The following CNTNAP2 variants were observed in gnomAD, a reference collection of about 807,000 sequenced individuals.
The protein encoded by CNTNAP2 is contactin associated protein 2, also known as contactin-associated protein-like 2.
A neutral mutation model predicts 155.2 loss-of-function variants in CNTNAP2; 98 were observed. The ratio of observed to expected loss-of-function variants is 0.63; its 90% CI spans 0.54 to 0.75. The LOEUF (loss-of-function observed/expected upper bound fraction) is 0.75. Among genes scored for constraint, CNTNAP2 ranks in the 30% least tolerant of loss-of-function variants. The probability of loss-of-function intolerance (pLI) is 0.00; values close to 1 mark genes in which losing one functional copy is unlikely to be tolerated. For missense variants in CNTNAP2, 1,727 were observed against 1,688.1 expected (o/e 1.02, Z -0.40); for synonymous variants, 651 against 631.2 (o/e 1.03, Z -0.47).
chr7:147,398,042 A>G (rs1221700707), intron 10 of CNTNAP2, among the ~76,000 whole-genome samples: 1 of 152,094 alleles, frequency 6.6e-6, no homozygotes, highest in Admixed American at 6.6e-5. Flanking sequence ...GTCACCTAAA[A>G]TGTTCCCAGT....
intron 2 of CNTNAP2, among the ~76,000 whole-genome samples, chr7:146,813,773 A>G (rs1285721805): frequency 6.6e-6 from 1 of 152,152 alleles, no homozygotes; most frequent in Non-Finnish European, 1.5e-5. Context: ...CCCAAATGTC[A>G]TCTTGAATTG....
chr7:146,620,378 A>G (rs548634455), intron 1 of CNTNAP2, among the ~76,000 whole-genome samples: 1 of 152,326 alleles, frequency 6.6e-6, no homozygotes, highest in East Asian at 1.9e-4. Context: ...GCAATGCAGT[A>G]CATTGATAAT....
chr7:146,767,682 T>C (rs1473823550), intron 1 of CNTNAP2, among the ~76,000 whole-genome samples: 1 of 152,188 alleles, frequency 6.6e-6, no homozygotes, highest in Admixed American at 6.5e-5. Flanking sequence ...GATTGAGTAG[T>C]AGTCAATGAG....
intron 1 of CNTNAP2, among the ~76,000 whole-genome samples, chr7:146,254,275 C>T (rs948657875): frequency 6.6e-6 from 1 of 152,088 alleles, no homozygotes; most frequent in Non-Finnish European, 1.5e-5. Context: ...TTTACTCATC[C>T]CCAGTTTTCC....
chr7:147,443,908 C>T (rs1037604997), intron 10 of CNTNAP2, among the ~76,000 whole-genome samples: 1 of 152,180 alleles, frequency 6.6e-6, no homozygotes, highest in Admixed American at 6.5e-5. Context: ...TCCTCCAAGA[C>T]GTAGAAATTT....
chr7:146,682,049 G>A (rs1417469561), intron 1 of CNTNAP2, among the ~76,000 whole-genome samples: 3 of 152,022 alleles, frequency 2.0e-5, no homozygotes, highest in South Asian at 4.2e-4. Context: ...CATCACTTTG[G>A]TGTTTTAAGT....
intron 1 of CNTNAP2, among the ~76,000 whole-genome samples, chr7:146,420,076 T>C (rs950253459): frequency 2.0e-5 from 3 of 152,150 alleles, no homozygotes; most frequent in Non-Finnish European, 4.4e-5. Flanking sequence ...CGGAGCTCTG[T>C]TGAATAACTT....
At chr7:147,003,596 C>T (rs1398180069) in intron 3 of CNTNAP2, among the ~76,000 whole-genome samples, 2 of 151,848 alleles carry the variant, frequency 1.3e-5, no homozygotes, top group East Asian at 3.9e-4. Flanking sequence ...AATAAATCAA[C>T]AAATAGATAC....
At chr7:147,748,978 G>A (rs1057182457) in intron 13 of CNTNAP2, among the ~76,000 whole-genome samples, 1 of 152,202 alleles carries the variant, frequency 6.6e-6, no homozygotes, top group Non-Finnish European at 1.5e-5. Flanking sequence ...GACAATGAGT[G>A]AGAATTAAGT....
At chr7:146,502,224 A>AAAATATATATAT (rs1298873127) in intron 1 of CNTNAP2, among the ~76,000 whole-genome samples, 1 of 94,808 alleles carries the variant, frequency 1.1e-5, no homozygotes, top group East Asian at 3.0e-4. Flanking sequence ...TATATATATG[A>AAAATATATATAT]ATATATATAT....
At chr7:146,197,468 T>C (rs1264790714) in intron 1 of CNTNAP2, among the ~76,000 whole-genome samples, 1 of 152,156 alleles carries the variant, frequency 6.6e-6, no homozygotes, top group Non-Finnish European at 1.5e-5. Context: ...AAATTTAAAT[T>C]CAAGAAATTA....
chr7:147,709,230 CA>C (rs1262382973), intron 13 of CNTNAP2, among the ~76,000 whole-genome samples: 1 of 152,184 alleles, frequency 6.6e-6, no homozygotes, highest in African/African-American at 2.4e-5. Flanking sequence ...ACTTCTCCAT[CA>C]GGTTATCTTT....
chr7:147,958,754 G>A (rs538930144), intron 14 of CNTNAP2, among the ~76,000 whole-genome samples: 72 of 152,252 alleles, frequency 4.7e-4, no homozygotes, highest in African/African-American at 1.6e-3. Flanking sequence ...GGAGTCAGAC[G>A]TATATTCTAA....
intron 3 of CNTNAP2, among the ~76,000 whole-genome samples, chr7:146,871,738 G>A (rs1209547013): frequency 2.0e-5 from 3 of 151,534 alleles, no homozygotes; most frequent in African/African-American, 4.8e-5. Context: ...TGTATTTTTG[G>A]TTATAAATCA....
At position 147,849,797 on chromosome 7, in the gene CNTNAP2, T is replaced by G. The variant is rs548721627; in HGVS notation, c.2099-53768T>G. The stretch of plus-strand genomic sequence containing the variant: ...AAGTGAGATGGTCATCACTTTCACT[T>G]AAGTCCTTTTTAGCAATAGGCATGT... On this transcript the variant is annotated intron_variant, in intron 13 of 23. Coordinates refer to ENST00000361727, the MANE Select transcript of CNTNAP2 (RefSeq NM_014141.6). 7 of 152,326 alleles carry G rather than the reference T, an allele frequency of 4.6e-5. No homozygotes were observed. The South Asian group carries it at 1.2e-3, about 27-fold the overall frequency. 9.4% of individuals were successfully genotyped at this position (152,326 alleles called of 1,614,324 possible).
chr7:146,419,354 C>T (rs1367853154), intron 1 of CNTNAP2, among the ~76,000 whole-genome samples: 1 of 152,022 alleles, frequency 6.6e-6, no homozygotes, highest in African/African-American at 2.4e-5. Context: ...ATGGGAGCTA[C>T]AATTTCAAGA....
chr7:146,754,287 A>C (rs1313505348), intron 1 of CNTNAP2, among the ~76,000 whole-genome samples: 1 of 152,160 alleles, frequency 6.6e-6, no homozygotes, highest in East Asian at 1.9e-4. Flanking sequence ...AGACAAATTG[A>C]TAGGTAGCAT....
intron 21 of CNTNAP2, among the ~76,000 whole-genome samples, chr7:148,300,844 G>C (rs897778691): frequency 6.6e-6 from 1 of 152,144 alleles, no homozygotes; most frequent in East Asian, 1.9e-4. Context: ...AAGTCAGATG[G>C]TGACTGCCAG....
At chr7:148,164,109 A>G (rs1473296463) in intron 17 of CNTNAP2, among the ~76,000 whole-genome samples, 1 of 151,926 alleles carries the variant, frequency 6.6e-6, no homozygotes, top group African/African-American at 2.4e-5. Context: ...TAATTTTTGT[A>G]TTTTTAGTAG....
Sources: gnomAD v4.1 joint callset for allele counts (sites outside exome capture counted in the v4.1 genomes callset) on GRCh38, gnomAD v4.1.1 for gene constraint, MANE v1.5 for transcripts, NCBI Gene and HGNC (gene_info 2026-07-23, HGNC 2026-07-21) for gene names.